NRTN: variants seen among roughly 807,000 people sequenced by gnomAD.
NRTN encodes the protein neurturin, also known as prepro-neurturin.
A neutral mutation model predicts 7.5 loss-of-function variants in NRTN; 3 were observed. The ratio of observed to expected loss-of-function variants is 0.40; its 90% CI spans 0.18 to 1.03. NRTN has a LOEUF of 1.03. Among genes scored for constraint, NRTN ranks in the 50% least tolerant of loss-of-function variants. NRTN has a pLI of 0.34. For missense variants in NRTN, 310 were observed against 307.0 expected (o/e 1.01, Z -0.07); for synonymous variants, 157 against 146.6 (o/e 1.07, Z -0.51).
At position 5,806,776 on chromosome 19, in the gene NRTN, A is replaced by G. The variant is rs2056976354; in HGVS notation, c.-399+1325A>G. ...TGGGTACTGCATCTGAAACTCCACC[A>G]TCAGCACTGGCCCCTCGGCGTTTCA... On this transcript the variant is annotated intron_variant, in intron 1 of 2. Transcript: ENST00000303212. The surrounding 1 kb of genome is among the most constrained non-coding windows in gnomAD (Gnocchi z 5.4). 1.3e-5 allele frequency among the ~76,000 whole-genome samples: 2 copies of G among 152,192 alleles called. No individual in the cohort carries two copies. Among genetic ancestry groups the G allele is most frequent in the South Asian group, 4.1e-4 (2 of 4,830 alleles).
At chr19:5,826,774 G>C (rs1285335273) in intron 2 of NRTN, among the ~76,000 whole-genome samples, 1 of 152,212 alleles carries the variant, frequency 6.6e-6, no homozygotes, top group East Asian at 1.9e-4. Context: ...GCCACCGCTT[G>C]GGTAATAAAT....
rs1274798602 is a variant in NRTN at position 5,828,022 on chromosome 19, TGCGCCA to T, written c.447_452del (p.Gln150_Arg151del). 1.4e-6 allele frequency: 2 copies of T among 1,426,978 alleles called. No individual in the cohort carries two copies. The highest frequency in any genetic ancestry group is 1.8e-6 in the Non-Finnish European group (2 of 1,098,480). 88.4% of individuals were successfully genotyped at this position (1,426,978 alleles called of 1,614,324 possible). On this transcript the variant is annotated inframe_deletion, in exon 3 of 3. Transcript: ENST00000303212. ...GTCTACGACCTCGGGCTGCGACGAC[TGCGCCA>T]GCGGCGGCGCCTGCGGCGGGAGCGG...
Position 5,806,326 on chromosome 19 carries a change from T to A in NRTN, c.-399+875T>A, listed in dbSNP as rs2056975108. On this transcript the variant is annotated intron_variant, in intron 1 of 2. Transcript: ENST00000303212. The surrounding 1 kb of genome is among the most constrained non-coding windows in gnomAD (Gnocchi z 5.4). ...ACCTGCCCACAGGCCTGTGATTACC[T>A]GCAGGGCTCGTCATTGGTCCAGATT... is the stretch of plus-strand genomic sequence containing the variant. Among the ~76,000 whole-genome samples, 1 of 152,072 alleles carries A rather than the reference T, an allele frequency of 6.6e-6. No homozygotes were observed. The highest frequency in any genetic ancestry group is 1.5e-5 in the Non-Finnish European group (1 of 68,004).
At chr19:5,813,933 G>A (rs1192890612) in intron 1 of NRTN, among the ~76,000 whole-genome samples, 1 of 152,106 alleles carries the variant, frequency 6.6e-6, no homozygotes, top group African/African-American at 2.4e-5. Flanking sequence ...GCTTGAACCT[G>A]AGAAGCAGAG....
chr19:5,816,890 C>T (rs1267197597), intron 1 of NRTN, among the ~76,000 whole-genome samples: 1 of 152,204 alleles, frequency 6.6e-6, no homozygotes, highest in Admixed American at 6.5e-5. Flanking sequence ...ACTGTGAAAA[C>T]GCCCTAGCAT....
Position 5,827,891 on chromosome 19 carries a change from G to A in NRTN, c.312G>A (p.Gly104=). 7.2e-7 allele frequency: 1 copy of A among 1,388,384 alleles called. No homozygotes were observed. The highest frequency in any genetic ancestry group is 9.4e-7 in the Non-Finnish European group (1 of 1,067,448). The allele number at this position is 1,388,384 out of a possible 1,614,324, so 86.0% of individuals were successfully genotyped here. The change falls in exon 3 of 3, where the codon GGG becomes GGA. Residue 104 remains glycine (G), a synonymous_variant. Coordinates refer to ENST00000303212, the MANE Select transcript of NRTN (RefSeq NM_004558.5). ...ARARLGARPC[G]LRELEVRVSE... is the part of the protein sequence containing the mutation. ...CGCGGTTGGGGGCGCGGCCTTGCGG[G>A]CTGCGCGAGCTGGAGGTGCGCGTGA... is the stretch of plus-strand genomic sequence containing the variant.
intron 1 of NRTN, among the ~76,000 whole-genome samples, chr19:5,820,394 G>T (rs1465339157): frequency 6.0e-5 from 9 of 150,056 alleles, no homozygotes; most frequent in African/African-American, 2.2e-4. Context: ...GTGAAACCCT[G>T]TCTCTACTAA....
chr19:5,807,271 G>A (rs1481468462), intron 1 of NRTN, among the ~76,000 whole-genome samples: 1 of 152,186 alleles, frequency 6.6e-6, no homozygotes, highest in Admixed American at 6.6e-5. Context: ...TTGCATCCCT[G>A]GAGGTAGGGG....
At chr19:5,814,487 C>T (rs1429504308) in intron 1 of NRTN, among the ~76,000 whole-genome samples, 5 of 152,150 alleles carry the variant, frequency 3.3e-5, no homozygotes, top group East Asian at 3.9e-4. Context: ...TCTTTGAGAT[C>T]GGGAGTTCTG....
At chr19:5,816,115 G>A (rs960342075) in intron 1 of NRTN, among the ~76,000 whole-genome samples, 1 of 151,772 alleles carries the variant, frequency 6.6e-6, no homozygotes, top group Non-Finnish European at 1.5e-5. Flanking sequence ...TATCCAGGCT[G>A]GTCTCGAACT....
rs1349205529 is a variant in NRTN, at chr19:5,826,953, G to C, written c.170-796G>C. ...CCACCTGCTAATGATGTGACCTTGG[G>C]ATGGTCCGTTTTGTCACCTGTCACA... On this transcript the variant is annotated intron_variant, in intron 2 of 2. Transcript: ENST00000303212. 3.3e-5 allele frequency among the ~76,000 whole-genome samples: 5 copies of C among 152,292 alleles called. No individual in the cohort carries two copies. In the East Asian group the frequency reaches 9.7e-4, roughly 29 times the overall value.
chr19:5,825,735 C>T (rs1253698268), intron 2 of NRTN, among the ~76,000 whole-genome samples: 2 of 152,218 alleles, frequency 1.3e-5, no homozygotes, highest in African/African-American at 4.8e-5. Context: ...CCCAAGTCCC[C>T]ATGTTCTAGG....
intron 1 of NRTN, among the ~76,000 whole-genome samples, chr19:5,810,192 G>A (rs1170140276): frequency 6.7e-6 from 1 of 149,810 alleles, no homozygotes; most frequent in African/African-American, 2.5e-5. Flanking sequence ...GCGTGAACCC[G>A]GAAGGCAGAG....
chr19:5,811,166 G>A (rs1384707593), intron 1 of NRTN, among the ~76,000 whole-genome samples: 1 of 152,140 alleles, frequency 6.6e-6, no homozygotes, highest in African/African-American at 2.4e-5. Flanking sequence ...TTGAACCCCA[G>A]AGGTGGGGTT....
Position 5,824,119 on chromosome 19 carries a change from G to A in NRTN, c.-47G>A, listed in dbSNP as rs1258037350. The A allele has an allele frequency of 1.9e-6, 3 of 1,599,096 alleles. No individual in the cohort carries two copies. Among genetic ancestry groups the A allele is most frequent in the Admixed American group, 3.3e-5 (2 of 59,960 alleles). Reference sequence around the variant, plus strand: ...GCCCTGTGCCCGTTGGCTGCTGGAGGGACAGACGGGGCGTGCGGCTGACCA... The same window carrying A: ...GCCCTGTGCCCGTTGGCTGCTGGAGAGACAGACGGGGCGTGCGGCTGACCA... On this transcript the variant is annotated 5_prime_UTR_variant, in exon 2 of 3. Transcript: ENST00000303212.
At chr19:5,825,733 C>T (rs1160717574) in intron 2 of NRTN, among the ~76,000 whole-genome samples, 2 of 152,196 alleles carry the variant, frequency 1.3e-5, no homozygotes, top group Non-Finnish European at 2.9e-5. Context: ...TCCCCAAGTC[C>T]CCATGTTCTA....
Position 5,828,210 on chromosome 19 carries a change from C to A in NRTN, c.*37C>A, listed in dbSNP as rs762870105. On this transcript the variant is annotated 3_prime_UTR_variant, in exon 3 of 3. Coordinates refer to ENST00000303212, the MANE Select transcript of NRTN (RefSeq NM_004558.5). ...TCGGCCGGCGCGGCGGCCACTCCCCCCGCCTCGACGGCACCACTGGCCGGC... is the reference window on the plus strand; with the variant it reads ...TCGGCCGGCGCGGCGGCCACTCCCCACGCCTCGACGGCACCACTGGCCGGC... The A allele has an allele frequency of 6.6e-7, 1 of 1,526,064 alleles. No homozygotes were observed. The allele number at this position is 1,526,064 out of a possible 1,614,324, so 94.5% of individuals were successfully genotyped here. A position where few individuals can be genotyped will look rare whatever the true frequency, so the allele number is the denominator to read the frequency against.
intron 1 of NRTN, among the ~76,000 whole-genome samples, chr19:5,819,114 G>A (rs775436203): frequency 2.0e-5 from 3 of 152,200 alleles, no homozygotes; most frequent in Admixed American, 1.3e-4. Context: ...TCCGGGGCCC[G>A]GGTAGGTTTC....
Position 5,827,825 on chromosome 19 carries a change from T to A in NRTN, c.246T>A (p.Gly82=). The part of the protein sequence containing the change: ...ELTPWAGRPP[G]PRRRAGPRRR... ...CGCCCTGGGCTGGGCGGCCCCCAGG[T>A]CCGCGCCGTCGGGCGGGGCCCCGGC... The change falls in exon 3 of 3, where the codon GGT becomes GGA. Residue 82 remains glycine (G), a synonymous_variant. Transcript: ENST00000303212. 1 of 1,163,100 alleles carries A rather than the reference T, an allele frequency of 8.6e-7. No individual in the cohort carries two copies. Among genetic ancestry groups the A allele is most frequent in the Non-Finnish European group, 1.1e-6 (1 of 946,676 alleles). 72.0% of individuals were successfully genotyped at this position (1,163,100 alleles called of 1,614,324 possible). A position where few individuals can be genotyped will look rare whatever the true frequency, so the allele number is the denominator to read the frequency against.
Sources: allele counts gnomAD v4.1 joint callset (sites outside exome capture counted in the v4.1 genomes callset), GRCh38; gene constraint gnomAD v4.1.1; non-coding constraint Gnocchi (gnomAD v3.1); transcripts MANE v1.5; gene names NCBI Gene and HGNC (gene_info 2026-07-23, HGNC 2026-07-21).